Variants in CAMK4 observed in about 807,000 individuals in gnomAD.
CAMK4 encodes the protein calcium/calmodulin dependent protein kinase IV.
CAMK4 carries 22 observed loss-of-function variants against 44.9 expected under a neutral mutation model. That is an observed-to-expected ratio of 0.49 (90% CI 0.35 to 0.70). The LOEUF (loss-of-function observed/expected upper bound fraction) is 0.70, where lower values mean the gene tolerates loss of function less well. CAMK4 is among the 30% of genes least tolerant of loss of function. The probability of loss-of-function intolerance (pLI) is 0.01; values close to 1 mark genes in which losing one functional copy is unlikely to be tolerated. For missense variants in CAMK4, 498 were observed against 586.8 expected (o/e 0.85, Z 1.56); for synonymous variants, 218 against 215.4 (o/e 1.01, Z -0.11).
Position 111,473,240 on chromosome 5 carries a change from C to A in CAMK4, c.626-71C>A, listed in dbSNP as rs1415591798. The stretch of plus-strand genomic sequence containing the variant: ...ATTGTTTTGATGAATTTATTTCTTT[C>A]CCATTGCTTGATATTAAAATATAAA... On this transcript the variant is annotated intron_variant, in intron 7 of 10. Transcript: ENST00000282356. The A allele has an allele frequency of 1.4e-5, 14 of 981,688 alleles. No homozygotes were observed. The African/African-American group carries it at 1.8e-4, about 12-fold the overall frequency. The allele number at this position is 981,688 out of a possible 1,614,324, so 60.8% of individuals were successfully genotyped here. A position where few individuals can be genotyped will look rare whatever the true frequency, so the allele number is the denominator to read the frequency against.
intron 1 of CAMK4, among the ~76,000 whole-genome samples, chr5:111,325,898 T>C (rs1342799721): frequency 6.6e-6 from 1 of 152,080 alleles, no homozygotes; most frequent in Non-Finnish European, 1.5e-5. Context: ...GGAGATCTGG[T>C]AAATATTTTC....
chr5:111,335,050 G>C (rs899268746), intron 1 of CAMK4, among the ~76,000 whole-genome samples: 15 of 151,434 alleles, frequency 9.9e-5, no homozygotes, highest in African/African-American at 3.6e-4. Flanking sequence ...GATCCAGCTG[G>C]AGCGGAGAAA....
intron 1 of CAMK4, among the ~76,000 whole-genome samples, chr5:111,318,027 C>T (rs914865330): frequency 6.8e-6 from 1 of 146,504 alleles, no homozygotes; most frequent in African/African-American, 2.5e-5. Flanking sequence ...AGAATGGAAA[C>T]ACTTGATTTA....
intron 7 of CAMK4, among the ~76,000 whole-genome samples, chr5:111,471,161 C>T (rs1158784434): frequency 6.6e-6 from 1 of 152,202 alleles, no homozygotes; most frequent in African/African-American, 2.4e-5. Flanking sequence ...ATTGAAAGCT[C>T]TATTTTTGTC....
intron 8 of CAMK4, among the ~76,000 whole-genome samples, chr5:111,476,402 C>T (rs562350426): frequency 2.3e-4 from 35 of 152,062 alleles, no homozygotes; most frequent in African/African-American, 7.5e-4. Flanking sequence ...TCCAGCCCCC[C>T]GAGTACCTGG....
chr5:111,240,459 A>C (rs1023214161), intron 1 of CAMK4, among the ~76,000 whole-genome samples: 5 of 152,238 alleles, frequency 3.3e-5, no homozygotes, highest in Non-Finnish European at 5.9e-5. Context: ...CTAACGTGAT[A>C]CCTAAGTTGT....
intron 1 of CAMK4, among the ~76,000 whole-genome samples, chr5:111,230,929 T>C (rs1026721203): frequency 6.6e-6 from 1 of 152,048 alleles, no homozygotes; most frequent in Non-Finnish European, 1.5e-5. Context: ...CTGCAAAATA[T>C]GGTGTTTGAG....
At chr5:111,382,980 AACTTAT>A (rs1298019326) in intron 4 of CAMK4, among the ~76,000 whole-genome samples, 1 of 152,186 alleles carries the variant, frequency 6.6e-6, no homozygotes, top group Admixed American at 6.5e-5. Context: ...ATGTAAAGAA[AACTTAT>A]ACTTTGATTT....
At chr5:111,412,875 C>G (rs188382606) in intron 5 of CAMK4, among the ~76,000 whole-genome samples, 2 of 152,136 alleles carry the variant, frequency 1.3e-5, no homozygotes, top group Non-Finnish European at 2.9e-5. Flanking sequence ...CTAGAAATTT[C>G]TACATAATCC....
At chr5:111,432,399 G>T (rs2112941881) in intron 5 of CAMK4, among the ~76,000 whole-genome samples, 1 of 151,868 alleles carries the variant, frequency 6.6e-6, no homozygotes, top group East Asian at 1.9e-4. Context: ...TGGTTAATGG[G>T]TACCAAGAAA....
At chr5:111,386,355 A>ACATT (rs1183501822) in intron 4 of CAMK4, among the ~76,000 whole-genome samples, 1 of 152,210 alleles carries the variant, frequency 6.6e-6, no homozygotes, top group African/African-American at 2.4e-5. Flanking sequence ...CCTTCAGTAC[A>ACATT]CATTCTCATC....
chr5:111,334,587 TAA>T (rs1429672396), intron 1 of CAMK4, among the ~76,000 whole-genome samples: 1 of 151,572 alleles, frequency 6.6e-6, no homozygotes, highest in African/African-American at 2.4e-5. Context: ...TCATATAACC[TAA>T]AAGTCAATAA....
chr5:111,446,244 A>C (rs1580764524), intron 5 of CAMK4, among the ~76,000 whole-genome samples: 1 of 152,236 alleles, frequency 6.6e-6, no homozygotes, highest in African/African-American at 2.4e-5. Flanking sequence ...AAATACTCAC[A>C]TCTATATGTC....
At chr5:111,295,788 G>C (rs1298259532) in intron 1 of CAMK4, among the ~76,000 whole-genome samples, 1 of 152,200 alleles carries the variant, frequency 6.6e-6, no homozygotes, top group East Asian at 1.9e-4. Context: ...GGAAAGAGCA[G>C]AAAATGAGAG....
chr5:111,413,302 G>A (rs1475981436), intron 5 of CAMK4, among the ~76,000 whole-genome samples: 1 of 152,136 alleles, frequency 6.6e-6, no homozygotes, highest in Non-Finnish European at 1.5e-5. Context: ...GAGCTGCCCG[G>A]GTGCAGTGGC....
rs577474637 is a variant in CAMK4 at position 111,373,757 on chromosome 5, C to A, written c.241-1093C>A. On this transcript the variant is annotated intron_variant, in intron 2 of 10. Transcript: ENST00000282356. Reference sequence around the variant, plus strand: ...CACATAAACTTCTTCACTTCTAAAACCATGTAAACTCTTGCTAGTTCAAAG... The same window carrying A: ...CACATAAACTTCTTCACTTCTAAAAACATGTAAACTCTTGCTAGTTCAAAG... 2.0e-5 allele frequency among the ~76,000 whole-genome samples: 3 copies of A among 152,248 alleles called. No individual in the cohort carries two copies. The South Asian group carries it at 6.2e-4, about 32-fold the overall frequency.
intron 5 of CAMK4, among the ~76,000 whole-genome samples, chr5:111,418,542 T>C (rs2112911040): frequency 6.6e-6 from 1 of 152,170 alleles, no homozygotes; most frequent in East Asian, 1.9e-4. Context: ...GCTGAACCCA[T>C]TAACTCGTCA....
intron 10 of CAMK4, among the ~76,000 whole-genome samples, chr5:111,483,783 A>G (rs568897920): frequency 6.6e-6 from 1 of 152,350 alleles, no homozygotes; most frequent in East Asian, 1.9e-4. Flanking sequence ...AGGTAAACAC[A>G]TGTATTCAGG....
At chr5:111,483,915 A>G in intron 10 of CAMK4, 111 bp from the exon 11 acceptor site, 1 of 747,670 alleles carries the variant, frequency 1.3e-6, no homozygotes, top group Non-Finnish European at 2.0e-6. Context: ...TACTTTGAAA[A>G]CTTTAACGCT....
Sources: allele counts gnomAD v4.1 joint callset (sites outside exome capture counted in the v4.1 genomes callset), GRCh38; gene constraint gnomAD v4.1.1; transcripts MANE v1.5; gene names NCBI Gene and HGNC (gene_info 2026-07-23, HGNC 2026-07-21).